Variants in AFG3L2 observed in about 807,000 individuals in gnomAD.
AFG3L2 encodes AFG3 like matrix AAA peptidase subunit 2, also known as mitochondrial inner membrane m-AAA protease component AFG3L2.
In AFG3L2, 54 loss-of-function variants were observed where a neutral mutation model predicts 94.5. The ratio of observed to expected loss-of-function variants is 0.57; its 90% CI spans 0.46 to 0.72. AFG3L2 has a LOEUF of 0.72. AFG3L2 is among the 30% of genes least tolerant of loss of function. AFG3L2 has a pLI of 0.00. For missense variants in AFG3L2, 754 were observed against 994.9 expected (o/e 0.76, Z 3.26); for synonymous variants, 377 against 365.5 (o/e 1.03, Z -0.36).
chr18:12,337,431 T>C lies in AFG3L2; in HGVS notation c.2085A>G (p.Arg695=). 1 of 1,613,916 alleles carries C rather than the reference T, an allele frequency of 6.2e-7. No individual in the cohort carries two copies. Among genetic ancestry groups the C allele is most frequent in the Non-Finnish European group, 8.5e-7 (1 of 1,179,730 alleles). The change falls in exon 16 of 17, where the codon AGA becomes AGG. Residue 695 remains arginine (R), a synonymous_variant. Coordinates refer to ENST00000269143, the MANE Select transcript of AFG3L2 (RefSeq NM_006796.3). ...GTATTCGTACTTCATCATCTATCAA[T>C]CTTGCAGTGGCTTCACTGTAAGGTT... ...LEKPYSEATA[R]LIDDEVRILI...
chr18:12,369,982 G>C (rs1407379982), intron 3 of AFG3L2, among the ~76,000 whole-genome samples: 2 of 147,252 alleles, frequency 1.4e-5, no homozygotes, highest in African/African-American at 5.0e-5. Flanking sequence ...GCGAACCCAA[G>C]AGGCGGAGCT....
intron 5 of AFG3L2, among the ~76,000 whole-genome samples, chr18:12,366,148 T>C (rs1908800491): frequency 6.6e-6 from 1 of 152,140 alleles, no homozygotes; most frequent in African/African-American, 2.4e-5. Flanking sequence ...AGTGCTGGGA[T>C]TACAGGCGTG....
In AFG3L2 at chr18:12,329,539, G is replaced by A; in HGVS notation, c.*26C>T. On this transcript the variant is annotated 3_prime_UTR_variant, in exon 17 of 17. Transcript: ENST00000269143. The stretch of plus-strand genomic sequence containing the variant: ...GCACCAGCTGAAACCACAGTGGACA[G>A]ACTGAGATGGCCTCCCTCTGGGCCT... The A allele has an allele frequency of 6.2e-7, 1 of 1,606,280 alleles. No homozygotes were observed. Among genetic ancestry groups the A allele is most frequent in the Non-Finnish European group, 8.5e-7 (1 of 1,173,826 alleles).
intron 1 of AFG3L2, among the ~76,000 whole-genome samples, chr18:12,374,133 G>A (rs1181353213): frequency 2.0e-5 from 3 of 152,116 alleles, no homozygotes; most frequent in African/African-American, 2.4e-5. Context: ...GCAATAATCC[G>A]TGACTGAATT....
At chr18:12,372,640 C>T (rs747638897) in intron 1 of AFG3L2, among the ~76,000 whole-genome samples, 2 of 152,192 alleles carry the variant, frequency 1.3e-5, no homozygotes, top group Non-Finnish European at 2.9e-5. Context: ...ACAAGCCAAA[C>T]GTTCACCACC....
rs114456272 is a variant in AFG3L2, at chr18:12,346,388, G to A, written c.1663+1885C>T. On this transcript the variant is annotated intron_variant, in intron 13 of 16. Transcript: ENST00000269143. ...AGTCACACACGCATACCCCTGCCCC[G>A]GCTCACATGCAGGACAGCTCATTCT... Among the ~76,000 whole-genome samples the A allele has an allele frequency of 8.7e-3, 1,320 of 152,156 alleles. 21 individuals carry two copies. The highest frequency in any genetic ancestry group is 0.03 in the African/African-American group (1,247 of 41,520).
intron 13 of AFG3L2, among the ~76,000 whole-genome samples, chr18:12,344,863 G>A (rs1266192785): frequency 6.6e-6 from 1 of 151,988 alleles, no homozygotes; most frequent in Non-Finnish European, 1.5e-5. Flanking sequence ...CCTGTGTTTT[G>A]GGAAACAAAT....
rs1328671333 is a variant in AFG3L2, at chr18:12,376,942, G to A, written c.114+27C>T. 24 of 1,408,036 alleles carry A rather than the reference G, an allele frequency of 1.7e-5. No individual in the cohort carries two copies. The South Asian group carries it at 2.4e-4, about 14-fold the overall frequency. 87.2% of individuals were successfully genotyped at this position (1,408,036 alleles called of 1,614,324 possible). A position where few individuals can be genotyped will look rare whatever the true frequency, so the allele number is the denominator to read the frequency against. On this transcript the variant is annotated intron_variant, in intron 1 of 16. Coordinates refer to ENST00000269143, the MANE Select transcript of AFG3L2 (RefSeq NM_006796.3). ...GAAGTGGGCCCGAGGCAGGGTGGAG[G>A]GCGCCGGGCGCCCAGGTAGGACTCA...
intron 5 of AFG3L2, among the ~76,000 whole-genome samples, chr18:12,364,275 A>C (rs185553111): frequency 9.9e-5 from 15 of 152,284 alleles, no homozygotes; most frequent in African/African-American, 3.6e-4. Flanking sequence ...CCATGCTATG[A>C]CCACACCCAA....
chr18:12,353,646 G>A (rs1425882936), intron 9 of AFG3L2, among the ~76,000 whole-genome samples: 2 of 152,058 alleles, frequency 1.3e-5, no homozygotes, highest in Non-Finnish European at 1.5e-5. Context: ...AGCAGCAAAT[G>A]AGGAGTAACC....
At position 12,359,929 on chromosome 18, in the gene AFG3L2, A is replaced by G; in HGVS notation, c.750T>C (p.Asp250=). The part of the protein sequence containing the change: ...RVPVVYIAES[D]GSFLLSMLPT... ...CAAAATATTATATTTGAGATTACCC[A>G]TCACTTTCAGCAATGTAGACAACAG... The change falls in exon 7 of 17, where the codon GAT becomes GAC. Residue 250 remains aspartate, a splice_region_variant and synonymous_variant. Coordinates refer to ENST00000269143, the MANE Select transcript of AFG3L2 (RefSeq NM_006796.3). 1 of 1,613,330 alleles carries G rather than the reference A, an allele frequency of 6.2e-7. No individual in the cohort carries two copies. Among genetic ancestry groups the G allele is most frequent in the Non-Finnish European group, 8.5e-7 (1 of 1,179,966 alleles).
intron 13 of AFG3L2, among the ~76,000 whole-genome samples, chr18:12,346,682 T>C (rs1455789054): frequency 6.6e-6 from 1 of 152,150 alleles, no homozygotes; most frequent in East Asian, 1.9e-4. Flanking sequence ...GGCAGGCAGA[T>C]CACCTGAGGT....
At chr18:12,334,590 G>C (rs1310628216) in intron 16 of AFG3L2, among the ~76,000 whole-genome samples, 1 of 152,132 alleles carries the variant, frequency 6.6e-6, no homozygotes, top group Non-Finnish European at 1.5e-5. Flanking sequence ...GGGATGCCTT[G>C]GAGTCATTCT....
In AFG3L2 at chr18:12,365,435, A is replaced by G. The variant is rs548105901; in HGVS notation, c.552+1530T>C. 2.0e-5 allele frequency among the ~76,000 whole-genome samples: 3 copies of G among 152,322 alleles called. No homozygotes were observed. The South Asian group carries it at 6.2e-4, about 32-fold the overall frequency. On this transcript the variant is annotated intron_variant, in intron 5 of 16. Coordinates refer to ENST00000269143, the MANE Select transcript of AFG3L2 (RefSeq NM_006796.3). ...TATAAGATCCTCACTTTCATAAGAT[A>G]AACATGTTTCAAAAATCCAACTAGA...
rs11080572 is a variant in AFG3L2 at position 12,351,343 on chromosome 18, C to G, written c.1389G>C (p.Leu463=). The change falls in exon 11 of 17, where the codon CTG becomes CTC. Residue 463 remains leucine, a synonymous_variant. Coordinates refer to ENST00000269143, the MANE Select transcript of AFG3L2 (RefSeq NM_006796.3). ...TNRPDILDPA[L]LRPGRFDRQI... ...GCCTGTCGAAACGCCCCGGCCTAAG[C>G]AGCGCGGGGTCCAGGATATCTGGTC... The G allele has an allele frequency of 6.2e-7, 1 of 1,613,902 alleles. No homozygotes were observed. The highest frequency in any genetic ancestry group is 8.5e-7 in the Non-Finnish European group (1 of 1,180,000).
intron 3 of AFG3L2, among the ~76,000 whole-genome samples, chr18:12,367,602 A>G (rs1908847223): frequency 6.6e-6 from 1 of 152,254 alleles, no homozygotes; most frequent in African/African-American, 2.4e-5. Context: ...AAATATGCAC[A>G]ATAACCCAAT....
At chr18:12,352,811 G>C (rs1284145190) in intron 10 of AFG3L2, among the ~76,000 whole-genome samples, 194 bp downstream of exon 10, 1 of 151,882 alleles carries the variant, frequency 6.6e-6, no homozygotes, top group Non-Finnish European at 1.5e-5. Context: ...CTCTCATTTT[G>C]GGGACATGAA....
At chr18:12,335,110 A>C (rs1907699042) in intron 16 of AFG3L2, among the ~76,000 whole-genome samples, 1 of 152,124 alleles carries the variant, frequency 6.6e-6, no homozygotes, top group Non-Finnish European at 1.5e-5. Context: ...CTCATTGCTC[A>C]CAAGGAGATT....
At chr18:12,353,857 G>A (rs530722815) in intron 9 of AFG3L2, among the ~76,000 whole-genome samples, 2 of 152,280 alleles carry the variant, frequency 1.3e-5, no homozygotes, top group Admixed American at 6.5e-5. Context: ...CACATTTCAT[G>A]CCTAACACAG....
Sources: allele counts gnomAD v4.1 joint callset (sites outside exome capture counted in the v4.1 genomes callset), GRCh38; gene constraint gnomAD v4.1.1; transcripts MANE v1.5; gene names NCBI Gene and HGNC (gene_info 2026-07-23, HGNC 2026-07-21).